The following RBFOX1 variants were observed in gnomAD, a reference collection of about 807,000 sequenced individuals.
RBFOX1 encodes the protein RNA binding protein fox-1 homolog 1.
In RBFOX1, 8 loss-of-function variants were observed where a neutral mutation model predicts 57.7. The observed-to-expected ratio is 0.14, with a 90% CI of 0.08 to 0.25. The LOEUF is 0.25. Ranked by LOEUF, RBFOX1 falls within the 10% of genes least tolerant of loss-of-function variation. The probability of loss-of-function intolerance (pLI) is 1.00; values close to 1 mark genes in which losing one functional copy is unlikely to be tolerated. For missense variants in RBFOX1, 611 were observed against 548.5 expected (o/e 1.11, Z -1.14); for synonymous variants, 326 against 222.4 (o/e 1.47, Z -4.15).
At chr16:6,450,452 T>C (rs980856596) in intron 2 of RBFOX1, among the ~76,000 whole-genome samples, 2 of 151,784 alleles carry the variant, frequency 1.3e-5, no homozygotes, top group Admixed American at 1.3e-4. Flanking sequence ...TATAGGTACC[T>C]GGAATGGTGG....
At chr16:5,544,783 G>A (rs2151068453) in intron 2 of RBFOX1, among the ~76,000 whole-genome samples, 1 of 152,036 alleles carries the variant, frequency 6.6e-6, no homozygotes, top group Non-Finnish European at 1.5e-5. Flanking sequence ...TCATAAATTT[G>A]ACAAAATGAA....
chr16:7,134,499 G>C (rs1479744016), intron 4 of RBFOX1, among the ~76,000 whole-genome samples: 1 of 152,134 alleles, frequency 6.6e-6, no homozygotes, highest in African/African-American at 2.4e-5. Flanking sequence ...TCGTATTGCT[G>C]TTTCAGCCCA....
intron 1 of RBFOX1, among the ~76,000 whole-genome samples, chr16:6,158,220 C>T (rs991984917): frequency 5.3e-5 from 8 of 152,140 alleles, no homozygotes; most frequent in African/African-American, 1.7e-4. Flanking sequence ...AACTGTCCGG[C>T]GGGGCCTTGG....
intron 1 of RBFOX1, among the ~76,000 whole-genome samples, chr16:6,262,087 G>T (rs529809998): frequency 2.0e-5 from 3 of 152,032 alleles, no homozygotes; most frequent in East Asian, 1.9e-4. Context: ...AAGGTGAAAC[G>T]TAGAGATGAC....
intron 2 of RBFOX1, among the ~76,000 whole-genome samples, chr16:6,644,084 C>G (rs760680049): frequency 2.0e-5 from 3 of 152,164 alleles, no homozygotes; most frequent in East Asian, 1.9e-4. Context: ...CAAGATCACC[C>G]TACTGCACTC....
intron 4 of RBFOX1, among the ~76,000 whole-genome samples, chr16:7,163,200 C>G (rs981582069): frequency 1.3e-5 from 2 of 151,974 alleles, no homozygotes; most frequent in Admixed American, 6.6e-5. Context: ...TTTTGACTTG[C>G]CTGAGTTAAA....
At chr16:6,329,357 C>A (rs773815262) in intron 2 of RBFOX1, among the ~76,000 whole-genome samples, 2 of 152,148 alleles carry the variant, frequency 1.3e-5, no homozygotes, top group Non-Finnish European at 2.9e-5. Flanking sequence ...AAAACTGGAA[C>A]TGGAAGAGGA....
chr16:5,544,580 A>C, intron 2 of RBFOX1, among the ~76,000 whole-genome samples: 1 of 152,320 alleles, frequency 6.6e-6, no homozygotes, highest in Non-Finnish European at 1.5e-5. Context: ...AAAACAATAG[A>C]GAAAAATCAA....
At chr16:6,910,128 A>T (rs1225524435) in intron 3 of RBFOX1, among the ~76,000 whole-genome samples, 1 of 151,902 alleles carries the variant, frequency 6.6e-6, no homozygotes, top group East Asian at 1.9e-4. Context: ...GTGCAAAGAG[A>T]TTGGGCATTC....
intron 2 of RBFOX1, among the ~76,000 whole-genome samples, chr16:5,502,989 A>G (rs1352343002): frequency 1.3e-5 from 2 of 152,224 alleles, no homozygotes; most frequent in African/African-American, 4.8e-5. Context: ...CGTGTCCAAT[A>G]CACATCTCTC....
intron 3 of RBFOX1, among the ~76,000 whole-genome samples, chr16:6,811,818 G>A (rs2088683741): frequency 6.6e-6 from 1 of 152,194 alleles, no homozygotes. Context: ...GAACCTGGGA[G>A]GCAGAGGTTA....
At chr16:5,342,379 C>T (rs2065051441) in intron 1 of RBFOX1, among the ~76,000 whole-genome samples, 1 of 152,120 alleles carries the variant, frequency 6.6e-6, no homozygotes. Flanking sequence ...CAGAGTCCTG[C>T]AGGTAGTCAG....
chr16:6,839,196 G>A (rs113233725), intron 3 of RBFOX1, among the ~76,000 whole-genome samples: 9,341 of 150,438 alleles, frequency 0.062, 476 homozygotes, highest in Non-Finnish European at 0.1. Flanking sequence ...TGTTGGCCAG[G>A]CTGTTCTCGA....
chr16:7,681,197 C>T (rs978553479), intron 14 of RBFOX1, among the ~76,000 whole-genome samples: 2 of 152,066 alleles, frequency 1.3e-5, no homozygotes, highest in Non-Finnish European at 2.9e-5. Flanking sequence ...CATATACATA[C>T]ATCCATGCTT....
In RBFOX1 at chr16:7,006,814, C is replaced by T. The variant is rs190287897; in HGVS notation, c.-15-45243C>T. On this transcript the variant is annotated intron_variant, in intron 3 of 15. Coordinates refer to ENST00000550418, the MANE Select transcript of RBFOX1 (RefSeq NM_018723.4). ...ACACTTAGCAAAGTTAAGTCACCTGCCCAAGAACCCTCAGCTCCCAAGCAG... is the reference window on the plus strand; with the variant it reads ...ACACTTAGCAAAGTTAAGTCACCTGTCCAAGAACCCTCAGCTCCCAAGCAG... Among the ~76,000 whole-genome samples the T allele has an allele frequency of 7.9e-5, 12 of 152,268 alleles. No homozygotes were observed. The South Asian group carries it at 8.3e-4, about 11-fold the overall frequency.
intron 4 of RBFOX1, among the ~76,000 whole-genome samples, chr16:5,893,284 G>C (rs1010725805): frequency 2.0e-5 from 3 of 152,204 alleles, no homozygotes; most frequent in African/African-American, 7.2e-5. Context: ...GGCAGCCTTT[G>C]AAGGTGTTAA....
intron 3 of RBFOX1, among the ~76,000 whole-genome samples, chr16:6,677,830 A>G (rs888435851): frequency 5.3e-5 from 8 of 152,186 alleles, no homozygotes; most frequent in Non-Finnish European, 1.0e-4. Flanking sequence ...TGTATCTACC[A>G]GTGACTTTTA....
chr16:7,313,829 G>C (rs2096376678), intron 4 of RBFOX1, among the ~76,000 whole-genome samples: 1 of 152,072 alleles, frequency 6.6e-6, no homozygotes, highest in South Asian at 2.1e-4. Flanking sequence ...CCGACACTTA[G>C]AACCACGATT....
chr16:6,737,140 C>G (rs1030795774), intron 3 of RBFOX1, among the ~76,000 whole-genome samples: 3 of 151,998 alleles, frequency 2.0e-5, no homozygotes, highest in African/African-American at 7.3e-5. Context: ...ATAGAGGAAA[C>G]AACAGAGGCA....
Sources: gnomAD v4.1 joint callset for allele counts (sites outside exome capture counted in the v4.1 genomes callset) on GRCh38, gnomAD v4.1.1 for gene constraint, MANE v1.5 for transcripts, NCBI Gene and HGNC (gene_info 2026-07-23, HGNC 2026-07-21) for gene names.